SGCD: variants seen among roughly 807,000 people sequenced by gnomAD.
The protein encoded by SGCD is sarcoglycan delta.
SGCD carries 18 observed loss-of-function variants against 36.6 expected under a neutral mutation model. That is an observed-to-expected ratio of 0.49 (90% confidence interval 0.34 to 0.73). SGCD has a LOEUF of 0.73. Ranked by LOEUF, SGCD falls within the 30% of genes least tolerant of loss-of-function variation. The pLI is 0.01. For synonymous variants in SGCD, 133 were observed against 130.6 expected, an observed-to-expected ratio of 1.02 and a Z score of -0.12; for missense variants, 387 against 346.7, an observed-to-expected ratio of 1.12 and a Z score of -0.92.
chr5:156,640,141 A>C (rs1009027083), intron 6 of SGCD, among the ~76,000 whole-genome samples: 1 of 151,946 alleles, frequency 6.6e-6, no homozygotes, highest in Non-Finnish European at 1.5e-5. Context: ...CCTTTTTCCA[A>C]TAGTGCTCTT....
chr5:156,594,996 C>T lies in SGCD; in HGVS notation c.447C>T (p.Leu149=). ...FEVKTVSGKL[L]FSADNNEVVV... is the part of the protein sequence containing the mutation. The stretch of plus-strand genomic sequence containing the variant: ...TAAAAACTGTTTCTGGAAAATTGCT[C>T]TTCTCTGCAGACAATAATGAAGTGG... Residue 149 remains leucine (L), a synonymous_variant, in exon 6 of 9, where the codon CTC becomes CTT. Coordinates refer to ENST00000337851, the MANE Select transcript of SGCD (RefSeq NM_000337.6). 1.9e-6 allele frequency: 3 copies of T among 1,612,518 alleles called. No individual in the cohort carries two copies. Among genetic ancestry groups the T allele is most frequent in the East Asian group, 2.2e-5 (1 of 44,850 alleles).
intron 3 of SGCD, among the ~76,000 whole-genome samples, chr5:156,135,244 G>C (rs879132687): frequency 1.3e-5 from 2 of 152,048 alleles, no homozygotes; most frequent in Admixed American, 1.3e-4. Flanking sequence ...TTTATTTGCT[G>C]TCCTAACTTT....
chr5:156,544,581 T>A (rs1340196475), intron 4 of SGCD, among the ~76,000 whole-genome samples: 1 of 151,558 alleles, frequency 6.6e-6, no homozygotes, highest in South Asian at 2.1e-4. Flanking sequence ...GGCCAAGAAG[T>A]TTGAAGGAAG....
At chr5:156,267,348 T>C (rs190602702) in intron 3 of SGCD, among the ~76,000 whole-genome samples, 322 of 152,358 alleles carry the variant, frequency 2.1e-3, no homozygotes, top group African/African-American at 7.3e-3. Flanking sequence ...TATTTCAAAG[T>C]TGTTTCCTGG....
chr5:156,597,558 A>G (rs1159801807), intron 6 of SGCD, among the ~76,000 whole-genome samples: 1 of 152,152 alleles, frequency 6.6e-6, no homozygotes, highest in Admixed American at 6.5e-5. Flanking sequence ...AATTATCTCC[A>G]ACTGGGTTCA....
intron 1 of SGCD, among the ~76,000 whole-genome samples, chr5:156,003,234 C>T (rs1371374921): frequency 3.3e-5 from 5 of 152,198 alleles, no homozygotes; most frequent in African/African-American, 1.2e-4. Flanking sequence ...TTACTTTCTG[C>T]CTTCCCCATT....
In SGCD at chr5:156,456,976, G is replaced by A. The variant is rs562806608; in HGVS notation, c.193-51625G>A. Among the ~76,000 whole-genome samples the A allele has an allele frequency of 2.0e-5, 3 of 152,316 alleles. No homozygotes were observed. In the South Asian group the frequency reaches 6.2e-4, roughly 32 times the overall value. ...TTAAACCAAAAGTAACTTGGTCTCA[G>A]TGAACATGGCTTGATTGGAGCATTT... On this transcript the variant is annotated intron_variant, in intron 3 of 8. Coordinates refer to ENST00000337851, the MANE Select transcript of SGCD (RefSeq NM_000337.6).
At chr5:156,251,453 A>G (rs1457507278) in intron 3 of SGCD, among the ~76,000 whole-genome samples, 1 of 152,022 alleles carries the variant, frequency 6.6e-6, no homozygotes, top group Non-Finnish European at 1.5e-5. Context: ...ATAAGTACCT[A>G]TGAAAATATA....
intron 3 of SGCD, among the ~76,000 whole-genome samples, chr5:156,192,108 G>C (rs1452695643): frequency 1.3e-5 from 2 of 152,136 alleles, no homozygotes; most frequent in East Asian, 3.9e-4. Context: ...GTAAGAAAGG[G>C]AAAATTAGGA....
chr5:156,639,453 A>C lies in SGCD; in HGVS notation c.503-8011A>C, dbSNP rs560166290. On this transcript the variant is annotated intron_variant, in intron 6 of 8. Coordinates refer to ENST00000337851, the MANE Select transcript of SGCD (RefSeq NM_000337.6). ...CAACTGAACACATGCACCTCTGTGC[A>C]GCCTGTGCCACGCAGCAGGCTGGTG... 2.0e-3 allele frequency among the ~76,000 whole-genome samples: 302 copies of C among 152,316 alleles called. 1 individual carries two copies. Among genetic ancestry groups the C allele is most frequent in the African/African-American group, 6.8e-3 (283 of 41,582 alleles).
At chr5:156,693,159 A>G (rs1429043840) in intron 7 of SGCD, among the ~76,000 whole-genome samples, 1 of 152,208 alleles carries the variant, frequency 6.6e-6, no homozygotes. Flanking sequence ...AGAACTTATA[A>G]CTTTCTGATG....
At chr5:155,732,954 G>T in the SGCD span, among the ~76,000 whole-genome samples, 1 of 151,214 alleles carries the variant, frequency 6.6e-6, no homozygotes, top group Admixed American at 6.6e-5. Context: ...AGGTCCACCT[G>T]GAGGCAACTT....
chr5:156,300,492 A>AT (rs1469931843), intron 3 of SGCD, among the ~76,000 whole-genome samples: 2 of 151,818 alleles, frequency 1.3e-5, no homozygotes, highest in Non-Finnish European at 2.9e-5. Flanking sequence ...TATTATTTCT[A>AT]TTTTTTGGAA....
At chr5:155,936,225 C>T (rs1474549719) in intron 1 of SGCD, among the ~76,000 whole-genome samples, 1 of 152,172 alleles carries the variant, frequency 6.6e-6, no homozygotes, top group Non-Finnish European at 1.5e-5. Flanking sequence ...TGTTACAGCC[C>T]TTTTAGCCCT....
chr5:156,231,683 C>G (rs1274714558), intron 3 of SGCD, among the ~76,000 whole-genome samples: 1 of 152,118 alleles, frequency 6.6e-6, no homozygotes, highest in East Asian at 1.9e-4. Context: ...GAAAGTAGAG[C>G]TATAGGACAG....
intron 3 of SGCD, among the ~76,000 whole-genome samples, chr5:156,355,406 C>T (rs1015260839): frequency 6.6e-6 from 1 of 151,140 alleles, no homozygotes; most frequent in African/African-American, 2.5e-5. Flanking sequence ...CAGCTTTGTA[C>T]CTTTTCCACA....
chr5:155,809,505 A>G, the SGCD span, among the ~76,000 whole-genome samples: 1 of 152,338 alleles, frequency 6.6e-6, no homozygotes, highest in Non-Finnish European at 1.5e-5. Flanking sequence ...GGGTAAGTGA[A>G]TGATCTTACT....
chr5:156,038,163 G>A lies in SGCD; in HGVS notation c.-281-79715G>A, dbSNP rs189322291. On this transcript the variant is annotated intron_variant, in intron 1 of 9. Transcript: ENST00000517913. ...GAACTTCAAATCATTAGGCCAATGA[G>A]AAGGCATCCTTCCCTGAAATTCATA... is the stretch of plus-strand genomic sequence containing the variant. 1.8e-3 allele frequency among the ~76,000 whole-genome samples: 274 copies of A among 152,282 alleles called. 1 individual carries two copies. Among genetic ancestry groups the A allele is most frequent in the African/African-American group, 6.4e-3 (268 of 41,558 alleles).
the SGCD span, among the ~76,000 whole-genome samples, chr5:155,736,781 G>A: frequency 2.0e-5 from 3 of 151,976 alleles, no homozygotes; most frequent in South Asian, 6.3e-4. Context: ...TCTAAGTTAT[G>A]TACATGTATT....
Sources: gnomAD v4.1 joint callset for allele counts (sites outside exome capture counted in the v4.1 genomes callset) on GRCh38, gnomAD v4.1.1 for gene constraint, MANE v1.5 for transcripts, NCBI Gene and HGNC (gene_info 2026-07-23, HGNC 2026-07-21) for gene names.